Variants in DYNC2LI1 observed in about 807,000 individuals in gnomAD.
DYNC2LI1 encodes cytoplasmic dynein 2 light intermediate chain 1.
A neutral mutation model predicts 51.9 loss-of-function variants in DYNC2LI1; 45 were observed. That is an observed-to-expected ratio of 0.87 (90% confidence interval 0.68 to 1.11). The LOEUF (loss-of-function observed/expected upper bound fraction) is 1.11, where lower values mean the gene tolerates loss of function less well. Among genes scored for constraint, DYNC2LI1 ranks in the 50% most tolerant of loss-of-function variants. DYNC2LI1 has a pLI of 0.00. For missense variants in DYNC2LI1, 490 were observed against 417.4 expected (o/e 1.17, Z -1.51); for synonymous variants, 130 against 137.8 (o/e 0.94, Z 0.40).
At chr2:43,776,322 C>T (rs749856906) in intron 1 of DYNC2LI1, among the ~76,000 whole-genome samples, 10 of 152,032 alleles carry the variant, frequency 6.6e-5, no homozygotes, top group Middle Eastern at 3.4e-3. Flanking sequence ...TTTTTTTTAC[C>T]TAAAAACATA....
At chr2:43,812,717 G>A (rs79475203), downstream of DYNC2LI1, 2,930 of 202,068 alleles carry the variant, frequency 0.015, 88 homozygotes, top group African/African-American at 0.06. Context: ...TGTCACTTAT[G>A]GTCAGGAATC....
the DYNC2LI1 span, chr2:43,822,529 G>A: frequency 3.1e-6 from 3 of 978,120 alleles, no homozygotes; most frequent in Non-Finnish European, 3.6e-6. Flanking sequence ...TCTCTTCTCT[G>A]GCCCAGGCCC....
At chr2:43,809,621 T>TA (rs1666408569) in intron 12 of DYNC2LI1, 84 bp from the exon 13 acceptor site, 2 of 890,300 alleles carry the variant, frequency 2.2e-6, no homozygotes, top group Non-Finnish European at 1.8e-6. Flanking sequence ...TTGATATATC[T>TA]AAAAAATGAG....
chr2:43,820,235 G>C, the DYNC2LI1 span: 2 of 1,020,852 alleles, frequency 2.0e-6, no homozygotes, highest in East Asian at 2.6e-5. Flanking sequence ...ACTCCCCTTT[G>C]AAAGGCCGTT....
the DYNC2LI1 span, chr2:43,828,079 C>T: frequency 3.7e-6 from 6 of 1,614,046 alleles, no homozygotes; most frequent in Admixed American, 8.3e-5. Flanking sequence ...CGGTCTGCCA[C>T]ATGGCTCAGA....
chr2:43,797,029 A>G lies in DYNC2LI1; in HGVS notation c.654+234A>G, dbSNP rs17031573. On this transcript the variant is annotated intron_variant, in intron 8 of 12. Transcript: ENST00000260605. ...CAAAAGTTCTAAATTGCTTATATCC[A>G]TAAATCCCAACCAAGTTTAAAGAGA... Among the ~76,000 whole-genome samples the G allele has an allele frequency of 6.6e-3, 1,013 of 152,344 alleles. 12 individuals carry two copies. The highest frequency in any genetic ancestry group is 0.023 in the African/African-American group (958 of 41,574).
At chr2:43,785,018 C>T (rs1673460816) in intron 3 of DYNC2LI1, among the ~76,000 whole-genome samples, 1 of 152,082 alleles carries the variant, frequency 6.6e-6, no homozygotes, top group Non-Finnish European at 1.5e-5. Flanking sequence ...AGATATGGGA[C>T]CGGGTGCAGT....
At chr2:43,825,174 G>C in the DYNC2LI1 span, among the ~76,000 whole-genome samples, 34 of 152,102 alleles carry the variant, frequency 2.2e-4, 1 homozygote, top group Admixed American at 2.2e-3. Flanking sequence ...TCAGTCCTTC[G>C]ATGACCTTGG....
downstream of DYNC2LI1, chr2:43,810,126 C>G (rs189236602): frequency 2.8e-6 from 1 of 359,616 alleles, no homozygotes; most frequent in Non-Finnish European, 3.9e-6. Context: ...TAAGTGCCCA[C>G]GTTAGACACA....
chr2:43,792,671 C>T lies in DYNC2LI1; in HGVS notation c.321-1786C>T, dbSNP rs1156670115. ...AACAATAACTCCTTGTTTTTCCTTC[C>T]CCAGCTCCTGGCAACTATCATCCCT... On this transcript the variant is annotated intron_variant, in intron 5 of 12. Transcript: ENST00000260605. 4 of 1,540,438 alleles carry T rather than the reference C, an allele frequency of 2.6e-6. No homozygotes were observed. In the African/African-American group the frequency reaches 4.1e-5, roughly 16 times the overall value.
chr2:43,826,585 C>CA, the DYNC2LI1 span: 88 of 1,610,538 alleles, frequency 5.5e-5, no homozygotes, highest in Admixed American at 4.7e-4. Context: ...GCTTAAAACT[C>CA]AGAGTTCTGA....
In DYNC2LI1 at chr2:43,806,330, C is replaced by T. The variant is rs114387704; in HGVS notation, c.993+1084C>T. Among the ~76,000 whole-genome samples, 1,329 of 152,298 alleles carry T rather than the reference C, an allele frequency of 8.7e-3. 24 individuals are homozygous for T. The highest frequency in any genetic ancestry group is 0.03 in the African/African-American group (1,267 of 41,556). ...CCAGCAACTTCTCAGGTGGCAGTCA[C>T]GTTGTTGCGAGGGTAACCTGAAAAC... On this transcript the variant is annotated intron_variant, in intron 12 of 12. Coordinates refer to ENST00000260605, the MANE Select transcript of DYNC2LI1 (RefSeq NM_016008.4).
rs764446560 is a variant in DYNC2LI1 at position 43,795,929 on chromosome 2, A to G, written c.547A>G (p.Ile183Val). Residue 183 changes from isoleucine (I) to valine (V), a missense_variant, in exon 7 of 13, where the codon ATA (isoleucine) becomes GTA (valine). Coordinates refer to ENST00000260605, the MANE Select transcript of DYNC2LI1 (RefSeq NM_016008.4). ...LIDPFPVPLV[I>V]IGSKYDVFQD... Reference sequence around the variant, plus strand: ...TGACCCATTTCCGGTACCTCTGGTCATAATTGGAAGTAAATATGATGTTTT... The same window carrying G: ...TGACCCATTTCCGGTACCTCTGGTCGTAATTGGAAGTAAATATGATGTTTT... 2 of 1,613,484 alleles carry G rather than the reference A, an allele frequency of 1.2e-6. No homozygotes were observed. The highest frequency in any genetic ancestry group is 1.3e-5 in the African/African-American group (1 of 74,916).
downstream of DYNC2LI1, chr2:43,813,310 C>T (rs1428480606): frequency 1.2e-6 from 2 of 1,607,204 alleles, no homozygotes; most frequent in Non-Finnish European, 1.7e-6. Flanking sequence ...TTTGAGCTGC[C>T]TGTCAAGGAA....
At chr2:43,787,572 T>C (rs972393690) in intron 4 of DYNC2LI1, among the ~76,000 whole-genome samples, 1 of 152,240 alleles carries the variant, frequency 6.6e-6, no homozygotes, top group African/African-American at 2.4e-5. Flanking sequence ...GTTTGACCTG[T>C]GGAATATTTA....
chr2:43,821,908 T>C, the DYNC2LI1 span, among the ~76,000 whole-genome samples: 1 of 152,078 alleles, frequency 6.6e-6, no homozygotes, highest in African/African-American at 2.4e-5. Flanking sequence ...TCTTTGAAAG[T>C]GTGACCCTAG....
chr2:43,822,470 TC>T, the DYNC2LI1 span: 1 of 354,562 alleles, frequency 2.8e-6, no homozygotes, highest in Non-Finnish European at 3.6e-6. Context: ...CTTTCTCCCC[TC>T]CCCCAGGCCC....
chr2:43,827,655 C>G, the DYNC2LI1 span, among the ~76,000 whole-genome samples: 1 of 152,238 alleles, frequency 6.6e-6, no homozygotes, highest in South Asian at 2.1e-4. Flanking sequence ...ATTGGCTTTC[C>G]CCAGCCCACA....
At chr2:43,798,330 G>A (rs1665958685) in intron 8 of DYNC2LI1, among the ~76,000 whole-genome samples, 1 of 152,092 alleles carries the variant, frequency 6.6e-6, no homozygotes, top group Non-Finnish European at 1.5e-5. Flanking sequence ...TCTTAAAAAT[G>A]ATCACCTTTT....
Sources: gnomAD v4.1 joint callset for allele counts (sites outside exome capture counted in the v4.1 genomes callset) on GRCh38, gnomAD v4.1.1 for gene constraint, MANE v1.5 for transcripts, NCBI Gene and HGNC (gene_info 2026-07-23, HGNC 2026-07-21) for gene names.